Variants in STK3 observed in about 807,000 individuals in gnomAD.
The protein encoded by STK3 is serine/threonine kinase 3, also known as serine/threonine-protein kinase 3.
STK3 carries 41 observed loss-of-function variants against 58.0 expected under a neutral mutation model. The observed-to-expected ratio is 0.71, with a 90% CI of 0.55 to 0.92. The LOEUF (loss-of-function observed/expected upper bound fraction) is 0.92. Ranked by LOEUF, STK3 falls within the 40% of genes least tolerant of loss-of-function variation. The pLI, the probability that STK3 is intolerant of heterozygous loss-of-function variation, is 0.00. For synonymous variants in STK3, 170 were observed against 191.0 expected, an observed-to-expected ratio of 0.89 and a Z score of 0.91; for missense variants, 479 against 602.7, an observed-to-expected ratio of 0.79 and a Z score of 2.15.
the STK3 span, among the ~76,000 whole-genome samples, chr8:98,362,297 T>C: frequency 9.9e-5 from 15 of 152,132 alleles, no homozygotes; most frequent in East Asian, 9.6e-4. Context: ...ACAGCACTTA[T>C]TGATGGCTTG....
At chr8:98,776,817 C>A (rs1831711331) in intron 1 of STK3, among the ~76,000 whole-genome samples, 2 of 151,666 alleles carry the variant, frequency 1.3e-5, no homozygotes, top group South Asian at 4.2e-4. Context: ...TTTGGAAGGC[C>A]GAGGCGGTGG....
At chr8:98,774,661 G>A (rs540110686) in intron 2 of STK3, 78 bp downstream of exon 2, 194 of 1,024,746 alleles carry the variant, frequency 1.9e-4, no homozygotes, top group Non-Finnish European at 2.6e-4. Flanking sequence ...ATATACTCTA[G>A]TTGAAAGATT....
At chr8:98,776,073 G>C (rs938260969) in intron 1 of STK3, among the ~76,000 whole-genome samples, 5 of 152,180 alleles carry the variant, frequency 3.3e-5, no homozygotes, top group Non-Finnish European at 7.3e-5. Flanking sequence ...ATGAAAATCT[G>C]ACACCAGAAC....
chr8:98,898,740 A>C (rs1482402986), intron 1 of STK3, among the ~76,000 whole-genome samples: 1 of 152,200 alleles, frequency 6.6e-6, no homozygotes, highest in African/African-American at 2.4e-5. Flanking sequence ...CAACTCCCCA[A>C]AAGACTTTTT....
chr8:98,910,597 A>G (rs535084161), intron 1 of STK3, among the ~76,000 whole-genome samples: 1 of 152,336 alleles, frequency 6.6e-6, no homozygotes, highest in South Asian at 2.1e-4. Flanking sequence ...CTTTTATTGG[A>G]TATATGTGGT....
At chr8:98,778,343 C>T (rs1437321716) in intron 1 of STK3, among the ~76,000 whole-genome samples, 6 of 152,052 alleles carry the variant, frequency 3.9e-5, no homozygotes, top group Non-Finnish European at 8.8e-5. Context: ...CCATCTCACA[C>T]CAGTTAGAAT....
upstream of STK3, among the ~76,000 whole-genome samples, chr8:98,389,885 C>T (rs1034534277): frequency 2.6e-5 from 4 of 151,944 alleles, no homozygotes; most frequent in South Asian, 8.4e-4. Context: ...AAGAACCGGA[C>T]AGCTAAACTA....
chr8:98,563,316 G>A (rs1291394490), intron 8 of STK3, among the ~76,000 whole-genome samples: 1 of 152,018 alleles, frequency 6.6e-6, no homozygotes, highest in African/African-American at 2.4e-5. Flanking sequence ...CAAGCAAGAG[G>A]ACCCATCTAG....
At chr8:98,652,066 T>C (rs916822642) in intron 6 of STK3, among the ~76,000 whole-genome samples, 2 of 152,092 alleles carry the variant, frequency 1.3e-5, no homozygotes, top group African/African-American at 4.8e-5. Context: ...GAAAAAATGT[T>C]AAGGGCAGCC....
Position 98,601,438 on chromosome 8 carries a change from A to G in STK3, c.685-5269T>C, listed in dbSNP as rs1009094670. The G allele has an allele frequency of 1.6e-4, 24 of 152,332 alleles. 1 individual carries two copies. Among genetic ancestry groups the G allele is most frequent in the African/African-American group, 5.8e-4 (24 of 41,574 alleles). 9.4% of individuals were successfully genotyped at this position (152,332 alleles called of 1,614,324 possible). A position where few individuals can be genotyped will look rare whatever the true frequency, so the allele number is the denominator to read the frequency against. On this transcript the variant is annotated intron_variant, in intron 6 of 10. Coordinates refer to ENST00000419617, the MANE Select transcript of STK3 (RefSeq NM_006281.4). ...GAAAAGCAAAAGTGAACAAAAGCCA[A>G]CACTTAAAGAACTTTATCACAAATT... is the stretch of plus-strand genomic sequence containing the variant.
intron 6 of STK3, among the ~76,000 whole-genome samples, chr8:98,700,925 C>T (rs1825544941): frequency 6.6e-6 from 1 of 152,122 alleles, no homozygotes; most frequent in Non-Finnish European, 1.5e-5. Flanking sequence ...ATTGCTTGAC[C>T]CAGGGAGGCG....
chr8:98,407,758 G>GCA lies in STK3; in HGVS notation n.484-6246_484-6245insTG, dbSNP rs869108903. The stretch of plus-strand genomic sequence containing the variant: ...TGTGTGTGTGTGTGTGTGTGTGTGT[G>GCA]CGCGCGCGCGCGCATGCATGGTATG... On this transcript the variant is annotated intron_variant and non_coding_transcript_variant, in intron 3 of 3. Coordinates refer to the STK3 transcript ENST00000517832. Among the ~76,000 whole-genome samples the GCA allele has an allele frequency of 7.5e-4, 89 of 118,266 alleles. 1 individual carries two copies. The highest frequency in any genetic ancestry group is 7.4e-4 in the Non-Finnish European group (41 of 55,084). The allele number at this position is 118,266 out of a possible 152,430, so 77.6% of individuals were successfully genotyped here.
At chr8:98,415,503 C>T (rs1818104841) in intron 3 of STK3, among the ~76,000 whole-genome samples, 1 of 152,220 alleles carries the variant, frequency 6.6e-6, no homozygotes, top group African/African-American at 2.4e-5. Flanking sequence ...TCATCTCCTT[C>T]CCAACCACTC....
chr8:98,392,898 T>C (rs1215957130), upstream of STK3, among the ~76,000 whole-genome samples: 2 of 152,182 alleles, frequency 1.3e-5, no homozygotes, highest in African/African-American at 4.8e-5. Context: ...TTGCCTGTTA[T>C]TCAGCTGTAT....
At chr8:98,350,896 A>G in the STK3 span, among the ~76,000 whole-genome samples, 1 of 152,208 alleles carries the variant, frequency 6.6e-6, no homozygotes, top group Non-Finnish European at 1.5e-5. Flanking sequence ...TGTATCAATG[A>G]CCAACTTTAA....
At chr8:98,648,682 C>T (rs928480195) in intron 6 of STK3, among the ~76,000 whole-genome samples, 2 of 152,074 alleles carry the variant, frequency 1.3e-5, no homozygotes, top group Non-Finnish European at 2.9e-5. Flanking sequence ...CACTTGAGAT[C>T]AGGAGTTCAA....
chr8:98,688,123 A>C (rs141706302), intron 6 of STK3, among the ~76,000 whole-genome samples: 67 of 152,094 alleles, frequency 4.4e-4, no homozygotes, highest in African/African-American at 1.5e-3. Context: ...CAGAGGTCTT[A>C]TATTAGATAA....
chr8:98,559,975 C>T (rs1586860901), intron 8 of STK3, among the ~76,000 whole-genome samples: 1 of 151,940 alleles, frequency 6.6e-6, no homozygotes, highest in South Asian at 2.1e-4. Context: ...AAAAGAAAAC[C>T]AAGAGCAATA....
chr8:98,923,862 C>T (rs554503286), intron 1 of STK3, among the ~76,000 whole-genome samples: 36,226 of 122,102 alleles, frequency 0.3, 4,691 homozygotes, highest in East Asian at 0.42. Context: ...TGTGCGCGCG[C>T]GCGCGCGCGC....
Sources: gnomAD v4.1 joint callset for allele counts (sites outside exome capture counted in the v4.1 genomes callset) on GRCh38, gnomAD v4.1.1 for gene constraint, MANE v1.5 for transcripts, NCBI Gene and HGNC (gene_info 2026-07-23, HGNC 2026-07-21) for gene names.